The following PIP4K2A variants were observed in gnomAD, a reference collection of about 807,000 sequenced individuals.
The protein encoded by PIP4K2A is phosphatidylinositol-5-phosphate 4-kinase type 2 alpha, also known as phosphatidylinositol 5-phosphate 4-kinase type-2 alpha.
In PIP4K2A, 14 loss-of-function variants were observed where a neutral mutation model predicts 42.9. That is an observed-to-expected ratio of 0.33 (90% CI 0.22 to 0.51). The LOEUF is 0.51. PIP4K2A is among the 20% of genes least tolerant of loss of function. PIP4K2A has a pLI of 0.97. For synonymous variants in PIP4K2A, 192 were observed against 192.2 expected (o/e 1.00, Z 0.01); for missense variants, 434 against 519.8 (o/e 0.83, Z 1.61).
rs191717669 is a variant in PIP4K2A, at chr10:22,560,342, G to A, written c.678+7509C>T. On this transcript the variant is annotated intron_variant, in intron 6 of 9. Coordinates refer to ENST00000376573, the MANE Select transcript of PIP4K2A (RefSeq NM_005028.5). ...TTGTGTCACGTTTGGGGAGCCCGCC[G>A]CCCTGGCCACCTCACTTCAATGGCA... Among the ~76,000 whole-genome samples, 429 of 152,296 alleles carry A rather than the reference G, an allele frequency of 2.8e-3. 1 individual carries two copies. The highest frequency in any genetic ancestry group is 5.2e-3 in the Non-Finnish European group (357 of 68,024).
At chr10:22,653,743 G>A (rs566132435) in intron 1 of PIP4K2A, among the ~76,000 whole-genome samples, 2 of 152,244 alleles carry the variant, frequency 1.3e-5, no homozygotes, top group Non-Finnish European at 1.5e-5. Flanking sequence ...GCGAAATCCT[G>A]TCTCTACTGT....
rs1835921332 is a variant in PIP4K2A at position 22,536,464 on chromosome 10, G to A, written c.*737C>T. The A allele has an allele frequency of 5.0e-6, 1 of 198,030 alleles. No homozygotes were observed. Among genetic ancestry groups the A allele is most frequent in the Non-Finnish European group, 1.0e-5 (1 of 99,008 alleles). 12.3% of individuals were successfully genotyped at this position (198,030 alleles called of 1,614,324 possible). ...GCATCAGCTGCTTGTTGCGGGAGGG[G>A]TGGGGGCTCTGGACACCAGGGGGTC... On this transcript the variant is annotated 3_prime_UTR_variant, in exon 10 of 10. Transcript: ENST00000376573.
At chr10:22,681,686 A>G (rs192368094) in intron 1 of PIP4K2A, among the ~76,000 whole-genome samples, 2 of 152,192 alleles carry the variant, frequency 1.3e-5, no homozygotes, top group African/African-American at 4.8e-5. Flanking sequence ...AAAAAAAAAT[A>G]AAATAAATAA....
At chr10:22,654,428 G>T (rs747473002) in intron 1 of PIP4K2A, among the ~76,000 whole-genome samples, 16 of 152,140 alleles carry the variant, frequency 1.1e-4, no homozygotes, top group African/African-American at 3.9e-4. Context: ...GATCCAAATC[G>T]TAAGTACAAA....
chr10:22,586,860 G>A lies in PIP4K2A; in HGVS notation c.492+4769C>T, dbSNP rs1041488498. On this transcript the variant is annotated intron_variant, in intron 4 of 9. Transcript: ENST00000376573. ...TAGCACTTCTTATATACTAGACACT[G>A]CTCTGAGCATGTTATAATATGAATT... Among the ~76,000 whole-genome samples, 34 of 152,140 alleles carry A rather than the reference G, an allele frequency of 2.2e-4. 1 individual carries two copies. The highest frequency in any genetic ancestry group is 2.2e-3 in the Admixed American group (34 of 15,278).
rs369184974 is a variant in PIP4K2A, at chr10:22,591,790, GT to G, written c.340-10del. 3 of 1,606,296 alleles carry G rather than the reference GT, an allele frequency of 1.9e-6. No individual in the cohort carries two copies. ...CTCCTGGTCAGGGAATTCTTCCCGG[GT>G]GGGGTAAGAGGGGAAGGAAGGCGGG... On this transcript the variant is annotated splice_polypyrimidine_tract_variant and intron_variant, in intron 3 of 9. Transcript: ENST00000376573.
At chr10:22,672,306 C>T (rs971035315) in intron 1 of PIP4K2A, among the ~76,000 whole-genome samples, 10 of 152,018 alleles carry the variant, frequency 6.6e-5, no homozygotes, top group African/African-American at 9.7e-5. Context: ...TTGTTGGAGG[C>T]GGATGAGATT....
intron 1 of PIP4K2A, among the ~76,000 whole-genome samples, chr10:22,699,491 G>C (rs1283184243): frequency 3.3e-5 from 5 of 151,824 alleles, no homozygotes; most frequent in African/African-American, 1.2e-4. Flanking sequence ...CTAGATACCT[G>C]GGAATGTGCG....
At chr10:22,696,437 T>C (rs1286366019) in intron 1 of PIP4K2A, among the ~76,000 whole-genome samples, 2 of 152,290 alleles carry the variant, frequency 1.3e-5, no homozygotes, top group South Asian at 2.1e-4. Flanking sequence ...AATGGTCTCT[T>C]GATTTGAAGG....
At chr10:22,569,431 T>G (rs984670109) in intron 5 of PIP4K2A, among the ~76,000 whole-genome samples, 1 of 152,250 alleles carries the variant, frequency 6.6e-6, no homozygotes, top group African/African-American at 2.4e-5. Context: ...TGCACAGCCA[T>G]GCCCAGCAAC....
At chr10:22,692,303 C>T (rs781052995) in intron 1 of PIP4K2A, among the ~76,000 whole-genome samples, 10 of 152,080 alleles carry the variant, frequency 6.6e-5, no homozygotes, top group Non-Finnish European at 1.3e-4. Context: ...GGAGGCAGAG[C>T]TCAGGCGGTA....
chr10:22,656,921 TGAGTTA>T (rs1394151253), intron 1 of PIP4K2A, among the ~76,000 whole-genome samples: 1 of 152,228 alleles, frequency 6.6e-6, no homozygotes, highest in Non-Finnish European at 1.5e-5. Context: ...CAAGTCAGTT[TGAGTTA>T]TTTTATGTCA....
chr10:22,557,385 G>A (rs1836579932), intron 6 of PIP4K2A, among the ~76,000 whole-genome samples: 1 of 152,172 alleles, frequency 6.6e-6, no homozygotes, highest in African/African-American at 2.4e-5. Flanking sequence ...AATTCCAAAT[G>A]ACTAAGAACT....
At chr10:22,678,627 A>AT (rs1191806155) in intron 1 of PIP4K2A, among the ~76,000 whole-genome samples, 1 of 152,156 alleles carries the variant, frequency 6.6e-6, no homozygotes, top group Non-Finnish European at 1.5e-5. Flanking sequence ...GCAGATTCCT[A>AT]TTTTTTTCCT....
intron 1 of PIP4K2A, among the ~76,000 whole-genome samples, chr10:22,627,776 T>C (rs1206169153): frequency 6.6e-6 from 1 of 152,162 alleles, no homozygotes; most frequent in Non-Finnish European, 1.5e-5. Flanking sequence ...CCCCATGATA[T>C]TCTTTATTTG....
rs527422414 is a variant in PIP4K2A at position 22,583,516 on chromosome 10, A to G, written c.492+8113T>C. Among the ~76,000 whole-genome samples, 341 of 152,264 alleles carry G rather than the reference A, an allele frequency of 2.2e-3. 1 individual carries two copies. Among genetic ancestry groups the G allele is most frequent in the Non-Finnish European group, 3.6e-3 (245 of 68,022 alleles). On this transcript the variant is annotated intron_variant, in intron 4 of 9. Coordinates refer to ENST00000376573, the MANE Select transcript of PIP4K2A (RefSeq NM_005028.5). ...GAGGTGCTAGACAGAGCCTGTCAGGAGCACAGGGGTACACGGACACTGAGG... is the reference window on the plus strand; with the variant it reads ...GAGGTGCTAGACAGAGCCTGTCAGGGGCACAGGGGTACACGGACACTGAGG...
At chr10:22,605,613 TAGAA>T (rs1837889478) in intron 3 of PIP4K2A, among the ~76,000 whole-genome samples, 1 of 152,280 alleles carries the variant, frequency 6.6e-6, no homozygotes, top group African/African-American at 2.4e-5. Context: ...TGACAAGAAA[TAGAA>T]AGACTTCATT....
intron 1 of PIP4K2A, among the ~76,000 whole-genome samples, chr10:22,637,316 C>A (rs959955280): frequency 6.6e-6 from 1 of 152,066 alleles, no homozygotes; most frequent in Non-Finnish European, 1.5e-5. Context: ...GATACAGATT[C>A]CATAGTTTAA....
intron 1 of PIP4K2A, among the ~76,000 whole-genome samples, chr10:22,626,591 A>G (rs1838444016): frequency 6.6e-6 from 1 of 152,220 alleles, no homozygotes; most frequent in African/African-American, 2.4e-5. Flanking sequence ...AGTTGTTACA[A>G]AGATTTTTCA....
Sources: gnomAD v4.1 joint callset for allele counts (sites outside exome capture counted in the v4.1 genomes callset) on GRCh38, gnomAD v4.1.1 for gene constraint, MANE v1.5 for transcripts, NCBI Gene and HGNC (gene_info 2026-07-23, HGNC 2026-07-21) for gene names.